The following ANHX variants were observed in gnomAD, a reference collection of about 807,000 sequenced individuals.
The protein encoded by ANHX is anomalous homeobox protein.
A neutral mutation model predicts 38.9 loss-of-function variants in ANHX; 20 were observed. That is an observed-to-expected ratio of 0.51 (90% CI 0.36 to 0.75). ANHX has a LOEUF of 0.75. Ranked by LOEUF, ANHX falls within the 30% of genes least tolerant of loss-of-function variation. The pLI is 0.00. For missense variants in ANHX, 475 were observed against 493.1 expected, an observed-to-expected ratio of 0.96 and a Z score of 0.35; for synonymous variants, 185 against 203.1, an observed-to-expected ratio of 0.91 and a Z score of 0.76.
chr12:133,224,341 G>C (rs1440451727), intron 7 of ANHX, among the ~76,000 whole-genome samples: 1 of 152,164 alleles, frequency 6.6e-6, no homozygotes, highest in South Asian at 2.1e-4. Context: ...GAAGAGAAAA[G>C]ATGTATATAC....
chr12:133,235,069 TC>T (rs1464144770), intron 1 of ANHX: 2 of 148,810 alleles, frequency 1.3e-5, no homozygotes, highest in African/African-American at 4.9e-5. Context: ...GGCGAGGGGT[TC>T]TTTCTGCCGT....
At chr12:133,225,178 G>C (rs1384903873) in intron 7 of ANHX, among the ~76,000 whole-genome samples, 1 of 152,030 alleles carries the variant, frequency 6.6e-6, no homozygotes, top group African/African-American at 2.4e-5. Flanking sequence ...AAGGGGGGTG[G>C]ACAAGCGGGG....
intron 8 of ANHX, among the ~76,000 whole-genome samples, chr12:133,220,023 T>C (rs368929249): frequency 6.6e-6 from 1 of 152,112 alleles, no homozygotes; most frequent in South Asian, 2.1e-4. Context: ...ATACCGTATT[T>C]ACATGAAATT....
At chr12:133,226,013 G>C (rs1197520577) in intron 6 of ANHX, among the ~76,000 whole-genome samples, 185 bp from the exon 7 acceptor site, 1 of 152,232 alleles carries the variant, frequency 6.6e-6, no homozygotes, top group Non-Finnish European at 1.5e-5. Context: ...GGACAGCTGG[G>C]TTTGTCTTTA....
intron 7 of ANHX, among the ~76,000 whole-genome samples, chr12:133,222,658 C>G (rs1327793030): frequency 1.3e-5 from 2 of 152,176 alleles, no homozygotes; most frequent in Non-Finnish European, 2.9e-5. Flanking sequence ...TATGATCAAA[C>G]TGACAAGCCC....
At chr12:133,220,727 T>C (rs1035727998) in intron 8 of ANHX, among the ~76,000 whole-genome samples, 8 of 152,042 alleles carry the variant, frequency 5.3e-5, no homozygotes, top group Non-Finnish European at 1.2e-4. Context: ...CCATCCCTCC[T>C]GTCTCTGCAG....
chr12:133,227,738 G>A, intron 4 of ANHX, 86 bp downstream of exon 4: 1 of 1,474,326 alleles, frequency 6.8e-7, no homozygotes, highest in East Asian at 2.5e-5. Flanking sequence ...TGAGGCCACT[G>A]AGGAGCCTGG....
chr12:133,223,621 AT>A (rs1299563883), intron 7 of ANHX, among the ~76,000 whole-genome samples: 1 of 151,838 alleles, frequency 6.6e-6, no homozygotes, highest in South Asian at 2.1e-4. Context: ...ATTTTTAAAT[AT>A]TTTTTAGTAC....
intron 8 of ANHX, among the ~76,000 whole-genome samples, chr12:133,220,348 C>G (rs760702274): frequency 2.0e-5 from 3 of 152,000 alleles, no homozygotes; most frequent in African/African-American, 7.3e-5. Flanking sequence ...AGAGGTGAGG[C>G]GAGACACACA....
chr12:133,226,545 G>A, intron 5 of ANHX, 107 bp from the exon 6 acceptor site: 1 of 1,405,028 alleles, frequency 7.1e-7, no homozygotes, highest in East Asian at 2.5e-5. Flanking sequence ...GTTGCCATGG[G>A]GCCATCCCAA....
chr12:133,229,223 G>T (rs2135568599), intron 3 of ANHX, among the ~76,000 whole-genome samples: 1 of 152,336 alleles, frequency 6.6e-6, no homozygotes, highest in African/African-American at 2.4e-5. Flanking sequence ...CAATGCTGGA[G>T]TTGGACACTG....
chr12:133,227,909 T>C lies in ANHX; in HGVS notation c.416A>G (p.Lys139Arg). 1.1e-6 allele frequency: 1 copy of C among 919,846 alleles called. No individual in the cohort carries two copies. The highest frequency in any genetic ancestry group is 1.5e-6 in the Non-Finnish European group (1 of 654,904). 57.0% of individuals were successfully genotyped at this position (919,846 alleles called of 1,614,324 possible). The change falls in exon 4 of 10, where the codon AAG (lysine) becomes AGG (arginine). Residue 139 changes from lysine (K) to arginine (R), a missense_variant. By Grantham distance (26) the Lys-to-Arg change is conservative. Coordinates refer to ENST00000545940, the MANE Select transcript of ANHX (RefSeq NM_001372060.1). ...PPPSLCPEGLKSRNFPREVRE... is the reference protein window; with the variant it reads ...PPPSLCPEGLRSRNFPREVRE... ...AACCTCTCTGGGGAAGTTCCGGCTC[T>C]TCAGCCCCTCTGGGCAGAGGGAGGG... is the stretch of plus-strand genomic sequence containing the variant.
chr12:133,233,322 C>G (rs1394403746), intron 2 of ANHX, among the ~76,000 whole-genome samples: 2 of 152,152 alleles, frequency 1.3e-5, no homozygotes, highest in Non-Finnish European at 2.9e-5. Flanking sequence ...CAGGAGGACA[C>G]CACACTAGCT....
At chr12:133,225,911 C>T (rs1957182651) in intron 6 of ANHX, among the ~76,000 whole-genome samples, 83 bp from the exon 7 acceptor site, 1 of 152,190 alleles carries the variant, frequency 6.6e-6, no homozygotes, top group Admixed American at 6.5e-5. Context: ...GGTGCTCAAA[C>T]AGTGCTGGTG....
intron 9 of ANHX, 44 bp from the exon 10 acceptor site, chr12:133,219,015 G>A (rs1957072780): frequency 5.4e-6 from 8 of 1,487,776 alleles, no homozygotes; most frequent in Non-Finnish European, 6.3e-6. Flanking sequence ...TCCTTTCCAG[G>A]CTCAAGACCT....
rs554813906 is a variant in ANHX, at chr12:133,225,709, G to A, written c.959C>T (p.Pro320Leu). Residue 320 changes from proline (P) to leucine (L), a missense_variant, in exon 7 of 10, where the codon CCC (proline) becomes CTC (leucine). Pro to Leu is a moderately conservative substitution (Grantham distance 98). Coordinates refer to ENST00000545940, the MANE Select transcript of ANHX (RefSeq NM_001372060.1). ...CCAAGATTCAGGGGCAGCCAGAGAGGGGTTCAGCATGTCATTGCCAGCAGC... is the reference window on the plus strand; with the variant it reads ...CCAAGATTCAGGGGCAGCCAGAGAGAGGTTCAGCATGTCATTGCCAGCAGC... ...PLAAGNDMLNPSLAAPESWLM... is the reference protein window; with the variant it reads ...PLAAGNDMLNLSLAAPESWLM... 2.0e-5 allele frequency among the ~76,000 whole-genome samples: 3 copies of A among 152,348 alleles called. No individual in the cohort carries two copies. The East Asian group carries it at 5.8e-4, about 29-fold the overall frequency.
intron 7 of ANHX, among the ~76,000 whole-genome samples, chr12:133,223,310 T>A (rs989697907): frequency 6.6e-6 from 1 of 152,026 alleles, no homozygotes; most frequent in Non-Finnish European, 1.5e-5. Context: ...TTTGGGAGAC[T>A]GGTCCCGGAG....
At position 133,221,364 on chromosome 12, in the gene ANHX, G is replaced by A. The variant is rs1020549026; in HGVS notation, c.1133-12C>T. The A allele has an allele frequency of 3.3e-6, 5 of 1,532,058 alleles. No homozygotes were observed. Among genetic ancestry groups the A allele is most frequent in the Non-Finnish European group, 3.5e-6 (4 of 1,144,786 alleles). The allele number at this position is 1,532,058 out of a possible 1,614,324, so 94.9% of individuals were successfully genotyped here. On this transcript the variant is annotated splice_polypyrimidine_tract_variant and intron_variant, in intron 7 of 9. Transcript: ENST00000545940. The surrounding 1 kb of genome is among the most constrained non-coding windows in gnomAD (Gnocchi z 4.1). ...GGGGCCAGAAAACCCTGCATGTAAT[G>A]AGATTCCACGGCACACTGGCAGGAG...
chr12:133,233,509 C>T (rs1957315372), intron 2 of ANHX, among the ~76,000 whole-genome samples: 1 of 152,202 alleles, frequency 6.6e-6, no homozygotes, highest in Non-Finnish European at 1.5e-5. Flanking sequence ...GTAACGCAGG[C>T]ATCCAGCACA....
Sources: gnomAD v4.1 joint callset for allele counts (sites outside exome capture counted in the v4.1 genomes callset) on GRCh38, gnomAD v4.1.1 for gene constraint, Gnocchi (gnomAD v3.1) non-coding constraint, MANE v1.5 for transcripts, NCBI Gene and HGNC (gene_info 2026-07-23, HGNC 2026-07-21) for gene names.